Variants in SLC24A2 observed in about 807,000 individuals in gnomAD.
SLC24A2 encodes the protein sodium/potassium/calcium exchanger 2.
In SLC24A2, 36 loss-of-function variants were observed where a neutral mutation model predicts 62.0. The ratio of observed to expected loss-of-function variants is 0.58; its 90% CI spans 0.44 to 0.77. SLC24A2 has a LOEUF of 0.77. Ranked by LOEUF, SLC24A2 falls within the 30% of genes least tolerant of loss-of-function variation. The pLI, the probability that SLC24A2 is intolerant of heterozygous loss-of-function variation, is 0.00. For synonymous variants in SLC24A2, 358 were observed against 294.0 expected (o/e 1.22, Z -2.23); for missense variants, 846 against 817.9 (o/e 1.03, Z -0.42).
intron 9 of SLC24A2, among the ~76,000 whole-genome samples, chr9:19,526,562 A>G (rs1833455091): frequency 6.6e-6 from 1 of 152,136 alleles, no homozygotes; most frequent in African/African-American, 2.4e-5. Context: ...GTAAAGTGGT[A>G]TCTTGTTATG....
the SLC24A2 span, among the ~76,000 whole-genome samples, chr9:20,111,373 CT>C: frequency 3.3e-5 from 5 of 152,148 alleles, no homozygotes; most frequent in African/African-American, 7.2e-5. Context: ...CTCCTTGCCT[CT>C]TGAGATCTAG....
At chr9:20,061,938 A>G in the SLC24A2 span, among the ~76,000 whole-genome samples, 291 of 152,322 alleles carry the variant, frequency 1.9e-3, no homozygotes, top group African/African-American at 6.7e-3. Flanking sequence ...TATATCTGAT[A>G]AAAGCCTTGT....
chr9:20,266,959 G>A, the SLC24A2 span, among the ~76,000 whole-genome samples: 3 of 151,520 alleles, frequency 2.0e-5, no homozygotes, highest in African/African-American at 7.3e-5. Context: ...GAACACATCT[G>A]TAGTCCTAGC....
chr9:20,188,502 C>G, the SLC24A2 span, among the ~76,000 whole-genome samples: 1 of 152,150 alleles, frequency 6.6e-6, no homozygotes, highest in Non-Finnish European at 1.5e-5. Flanking sequence ...CATTCTAATT[C>G]TCAAAATCTG....
At chr9:20,278,771 C>A in the SLC24A2 span, among the ~76,000 whole-genome samples, 1 of 152,204 alleles carries the variant, frequency 6.6e-6, no homozygotes, top group East Asian at 1.9e-4. Flanking sequence ...CCAACCTTTA[C>A]CTGCCCAGTT....
the SLC24A2 span, among the ~76,000 whole-genome samples, chr9:19,835,047 G>A: frequency 6.6e-6 from 1 of 152,202 alleles, no homozygotes; most frequent in African/African-American, 2.4e-5. Flanking sequence ...TCACCACCAG[G>A]CCTGCCCTAA....
At chr9:19,653,405 C>T (rs1348685669) in intron 2 of SLC24A2, among the ~76,000 whole-genome samples, 1 of 152,172 alleles carries the variant, frequency 6.6e-6, no homozygotes, top group East Asian at 1.9e-4. Flanking sequence ...TGGTGCCTGA[C>T]TCATGATAGG....
chr9:19,918,010 A>C, the SLC24A2 span, among the ~76,000 whole-genome samples: 2 of 152,104 alleles, frequency 1.3e-5, no homozygotes, highest in African/African-American at 4.8e-5. Context: ...TCCTTGTATT[A>C]AGGAAGCATC....
chr9:20,021,026 A>G, the SLC24A2 span, among the ~76,000 whole-genome samples: 2 of 152,202 alleles, frequency 1.3e-5, no homozygotes, highest in African/African-American at 2.4e-5. Flanking sequence ...TTGAGATCAC[A>G]TACTGTATAC....
At chr9:19,789,152 G>A (rs758567902), upstream of SLC24A2, among the ~76,000 whole-genome samples, 59 of 152,254 alleles carry the variant, frequency 3.9e-4, no homozygotes, top group Non-Finnish European at 7.5e-4. Flanking sequence ...CAGCTCCCGA[G>A]TCCTTTGCTC....
the SLC24A2 span, among the ~76,000 whole-genome samples, chr9:20,135,372 A>G: frequency 5.7e-3 from 670 of 116,818 alleles, 15 homozygotes; most frequent in African/African-American, 0.022. Context: ...TTAATTTTTA[A>G]TTACAATTTA....
chr9:20,283,544 A>T, the SLC24A2 span, among the ~76,000 whole-genome samples: 1 of 152,202 alleles, frequency 6.6e-6, no homozygotes, highest in East Asian at 1.9e-4. Flanking sequence ...CGGAATATCC[A>T]TACGGGTCAG....
At chr9:19,549,672 T>C (rs1300774775) in intron 8 of SLC24A2, among the ~76,000 whole-genome samples, 1 of 152,210 alleles carries the variant, frequency 6.6e-6, no homozygotes, top group East Asian at 1.9e-4. Context: ...GTGCCAGAAA[T>C]GGCAAAGAAG....
chr9:20,043,389 T>A, the SLC24A2 span, among the ~76,000 whole-genome samples: 1 of 152,310 alleles, frequency 6.6e-6, no homozygotes, highest in Middle Eastern at 3.4e-3. Context: ...GTCTCATTAT[T>A]TAGAAAGTAC....
intron 2 of SLC24A2, among the ~76,000 whole-genome samples, chr9:19,713,595 G>T (rs1820776797): frequency 7.1e-6 from 1 of 140,978 alleles, no homozygotes; most frequent in Non-Finnish European, 1.6e-5. Flanking sequence ...TTGAGCAAAA[G>T]ACCTTTTGAT....
chr9:20,068,701 C>G, the SLC24A2 span, among the ~76,000 whole-genome samples: 1 of 152,114 alleles, frequency 6.6e-6, no homozygotes, highest in African/African-American at 2.4e-5. Context: ...GTGGAAGTGT[C>G]ATGACCCTAA....
the SLC24A2 span, among the ~76,000 whole-genome samples, chr9:20,220,030 A>T: frequency 1.3e-5 from 2 of 152,146 alleles, no homozygotes; most frequent in East Asian, 1.9e-4. Flanking sequence ...ATATAAGTGT[A>T]ATTTATTATT....
intron 8 of SLC24A2, among the ~76,000 whole-genome samples, chr9:19,528,711 T>A (rs143598545): frequency 1.0e-3 from 154 of 152,274 alleles, no homozygotes; most frequent in African/African-American, 3.4e-3. Flanking sequence ...ACAACTTTTA[T>A]AGATTCTGGA....
At position 19,753,916 on chromosome 9, in the gene SLC24A2, T is replaced by C. The variant is rs188209240; in HGVS notation, c.930+32021A>G. On this transcript the variant is annotated intron_variant, in intron 2 of 10. Transcript: ENST00000341998. Reference sequence around the variant, plus strand: ...CTCCAAAAATTGGCATCTGGCAGCATCTCCTTCCACCTGCATCAAACTCCA... The same window carrying C: ...CTCCAAAAATTGGCATCTGGCAGCACCTCCTTCCACCTGCATCAAACTCCA... Among the ~76,000 whole-genome samples the C allele has an allele frequency of 2.8e-4, 42 of 152,198 alleles. 1 individual carries two copies. In the South Asian group the frequency reaches 4.2e-3, roughly 15 times the overall value.
Sources: gnomAD v4.1 joint callset for allele counts (sites outside exome capture counted in the v4.1 genomes callset) on GRCh38, gnomAD v4.1.1 for gene constraint, MANE v1.5 for transcripts, NCBI Gene and HGNC (gene_info 2026-07-23, HGNC 2026-07-21) for gene names.